The following GRIK1 variants were observed in gnomAD, a reference collection of about 807,000 sequenced individuals.
GRIK1 encodes the protein glutamate receptor ionotropic, kainate 1.
Under a neutral mutation model 105.7 loss-of-function variants are expected in GRIK1, and 69 were observed. The ratio of observed to expected loss-of-function variants is 0.65; its 90% CI spans 0.54 to 0.80. GRIK1 has a LOEUF of 0.80. GRIK1 is among the 30% of genes least tolerant of loss of function. The pLI is 0.00. For missense variants in GRIK1, 1,109 were observed against 1,167.3 expected (o/e 0.95, Z 0.73); for synonymous variants, 438 against 431.3 (o/e 1.02, Z -0.19).
chr21:29,834,789 T>G (rs2067737491), intron 1 of GRIK1, among the ~76,000 whole-genome samples: 1 of 149,226 alleles, frequency 6.7e-6, no homozygotes, highest in Non-Finnish European at 1.5e-5. Flanking sequence ...TCATCCAATA[T>G]TAATGATTTT....
chr21:29,868,018 C>T (rs2068885447), intron 1 of GRIK1, among the ~76,000 whole-genome samples: 1 of 122,876 alleles, frequency 8.1e-6, no homozygotes, highest in South Asian at 2.9e-4. Flanking sequence ...AAAGAAAAGA[C>T]AGAAAGAAAG....
intron 1 of GRIK1, among the ~76,000 whole-genome samples, chr21:29,871,930 A>G (rs1397399912): frequency 1.3e-5 from 2 of 151,356 alleles, no homozygotes; most frequent in African/African-American, 4.9e-5. Context: ...TGCCTGGCTA[A>G]TTTTTGTATG....
intron 4 of GRIK1, among the ~76,000 whole-genome samples, chr21:29,668,334 A>G (rs2063098926): frequency 1.3e-5 from 2 of 152,164 alleles, no homozygotes; most frequent in Admixed American, 6.5e-5. Flanking sequence ...ATGAGAAGGG[A>G]GCTTCCTCTC....
chr21:29,575,409 C>T (rs902347300), intron 14 of GRIK1, among the ~76,000 whole-genome samples: 1 of 151,816 alleles, frequency 6.6e-6, no homozygotes, highest in African/African-American at 2.4e-5. Context: ...AGCCCTATAT[C>T]CATCTAACAA....
chr21:29,562,336 C>G (rs915976020), intron 14 of GRIK1, among the ~76,000 whole-genome samples: 16 of 152,264 alleles, frequency 1.1e-4, no homozygotes, highest in South Asian at 1.0e-3. Context: ...AATGTAAATG[C>G]TCTTTTCAAA....
intron 1 of GRIK1, among the ~76,000 whole-genome samples, chr21:29,937,498 AGAT>A (rs933102767): frequency 2.6e-5 from 4 of 152,242 alleles, no homozygotes; most frequent in Non-Finnish European, 5.9e-5. Flanking sequence ...ACTTTTACGT[AGAT>A]GATTGTGATT....
At chr21:29,566,900 C>T (rs1163802646) in intron 14 of GRIK1, among the ~76,000 whole-genome samples, 1 of 151,932 alleles carries the variant, frequency 6.6e-6, no homozygotes, top group African/African-American at 2.4e-5. Context: ...TCTCTTAATA[C>T]ACAGAGCAGC....
intron 1 of GRIK1, among the ~76,000 whole-genome samples, chr21:29,797,541 A>G (rs190861013): frequency 7.2e-4 from 109 of 152,342 alleles, no homozygotes; most frequent in Non-Finnish European, 8.8e-5. Context: ...ACCCATTCAC[A>G]AATTCCTGCC....
chr21:29,928,334 C>T (rs912339524), intron 1 of GRIK1, among the ~76,000 whole-genome samples: 1 of 152,158 alleles, frequency 6.6e-6, no homozygotes, highest in African/African-American at 2.4e-5. Context: ...AACCTGAGGG[C>T]TGAGATAGAC....
chr21:29,594,881 T>C (rs2061382277), intron 9 of GRIK1, among the ~76,000 whole-genome samples: 1 of 152,202 alleles, frequency 6.6e-6, no homozygotes, highest in Admixed American at 6.5e-5. Context: ...CTTCCTCTTT[T>C]GGAAAGAATT....
intron 7 of GRIK1, among the ~76,000 whole-genome samples, chr21:29,603,688 G>T (rs2061561352): frequency 6.6e-6 from 1 of 152,116 alleles, no homozygotes; most frequent in South Asian, 2.1e-4. Context: ...GTGGATTGAT[G>T]GGTTAAACGA....
At chr21:29,563,935 G>C (rs1312055970) in intron 14 of GRIK1, among the ~76,000 whole-genome samples, 2 of 152,136 alleles carry the variant, frequency 1.3e-5, no homozygotes, top group Non-Finnish European at 2.9e-5. Context: ...ACTGTACCAT[G>C]CTGATTTGGG....
At chr21:29,916,531 A>G (rs2071005472) in intron 1 of GRIK1, among the ~76,000 whole-genome samples, 1 of 151,938 alleles carries the variant, frequency 6.6e-6, no homozygotes. Context: ...ATTTCCATCC[A>G]TACACATTTA....
At chr21:29,574,940 C>T (rs1057463233) in intron 14 of GRIK1, among the ~76,000 whole-genome samples, 3 of 151,832 alleles carry the variant, frequency 2.0e-5, no homozygotes, top group Admixed American at 6.6e-5. Context: ...GTGATCCGCC[C>T]GCCTCGGCCT....
At chr21:29,876,564 A>G (rs1210834610) in intron 1 of GRIK1, among the ~76,000 whole-genome samples, 1 of 152,050 alleles carries the variant, frequency 6.6e-6, no homozygotes, top group African/African-American at 2.4e-5. Flanking sequence ...TTTTCTATAC[A>G]TGTTGCTGCT....
intron 1 of GRIK1, among the ~76,000 whole-genome samples, chr21:29,781,618 A>G (rs1029898873): frequency 1.4e-5 from 2 of 140,146 alleles, no homozygotes; most frequent in African/African-American, 5.3e-5. Flanking sequence ...TTTTCTCAGC[A>G]CTATCCCTGT....
At chr21:29,909,777 T>C (rs922620740) in intron 1 of GRIK1, among the ~76,000 whole-genome samples, 10 of 152,104 alleles carry the variant, frequency 6.6e-5, no homozygotes, top group African/African-American at 2.4e-4. Flanking sequence ...TACCAAGGAA[T>C]CCGCAGAGAA....
chr21:29,750,298 T>C (rs2065158028), intron 1 of GRIK1, among the ~76,000 whole-genome samples: 1 of 145,432 alleles, frequency 6.9e-6, no homozygotes, highest in South Asian at 2.4e-4. Flanking sequence ...GCTGTCTTGC[T>C]TTCTTTCTGA....
chr21:29,872,823 A>T (rs1035094774), intron 1 of GRIK1, among the ~76,000 whole-genome samples: 2 of 152,136 alleles, frequency 1.3e-5, no homozygotes, highest in African/African-American at 4.8e-5. Flanking sequence ...CCATCACTCA[A>T]TTACCCCCCA....
Sources: allele counts gnomAD v4.1 joint callset (sites outside exome capture counted in the v4.1 genomes callset), GRCh38; gene constraint gnomAD v4.1.1; transcripts MANE v1.5; gene names NCBI Gene and HGNC (gene_info 2026-07-23, HGNC 2026-07-21).